The following TMEM132B variants were observed in gnomAD, a reference collection of about 807,000 sequenced individuals.
TMEM132B encodes the protein transmembrane protein 132B.
In TMEM132B, 18 loss-of-function variants were observed where a neutral mutation model predicts 90.8. That is an observed-to-expected ratio of 0.20 (90% CI 0.14 to 0.29). The LOEUF (loss-of-function observed/expected upper bound fraction) is 0.29, where lower values mean the gene tolerates loss of function less well. Ranked by LOEUF, TMEM132B falls within the 10% of genes least tolerant of loss-of-function variation. The probability of loss-of-function intolerance (pLI) is 1.00; values close to 1 mark genes in which losing one functional copy is unlikely to be tolerated. For missense variants in TMEM132B, 1,096 were observed against 1,326.8 expected (o/e 0.83, Z 2.70); for synonymous variants, 504 against 523.3 (o/e 0.96, Z 0.50).
At chr12:125,443,882 G>A (rs963013675) in intron 3 of TMEM132B, among the ~76,000 whole-genome samples, 4 of 151,886 alleles carry the variant, frequency 2.6e-5, no homozygotes, top group South Asian at 4.2e-4. Context: ...GAAAGCAGTC[G>A]TGCACCGTGA....
chr12:125,223,249 C>T (rs1444381384), intron 1 of TMEM132B, among the ~76,000 whole-genome samples: 2 of 152,108 alleles, frequency 1.3e-5, no homozygotes, highest in Non-Finnish European at 2.9e-5. Context: ...GATATTTTAG[C>T]AAAAATGCAC....
chr12:125,517,036 TC>T (rs1883177493), intron 3 of TMEM132B, among the ~76,000 whole-genome samples: 1 of 152,232 alleles, frequency 6.6e-6, no homozygotes, highest in Admixed American at 6.5e-5. Flanking sequence ...TTCATCTATT[TC>T]TTTGCCTTTC....
chr12:125,632,847 G>C (rs930782179), intron 5 of TMEM132B, among the ~76,000 whole-genome samples: 21 of 151,974 alleles, frequency 1.4e-4, no homozygotes, highest in Non-Finnish European at 2.5e-4. Context: ...ATATTGGAGA[G>C]TTTATTAAAT....
intron 3 of TMEM132B, among the ~76,000 whole-genome samples, chr12:125,450,505 G>T (rs1319898602): frequency 6.6e-6 from 1 of 152,152 alleles, no homozygotes; most frequent in African/African-American, 2.4e-5. Flanking sequence ...AATAAATCGT[G>T]ATAGGAGAGT....
intron 5 of TMEM132B, 70 bp from the exon 6 acceptor site, chr12:125,644,006 T>G (rs1328798069): frequency 7.1e-7 from 1 of 1,406,322 alleles, no homozygotes; most frequent in East Asian, 2.3e-5. Flanking sequence ...TTCATGAACT[T>G]TCACTGTTGT....
chr12:125,396,354 A>G (rs1025948866), intron 2 of TMEM132B, among the ~76,000 whole-genome samples: 4 of 152,286 alleles, frequency 2.6e-5, no homozygotes, highest in African/African-American at 4.8e-5. Flanking sequence ...AGGCTGGTTT[A>G]TGAAGGGGAC....
intron 5 of TMEM132B, among the ~76,000 whole-genome samples, chr12:125,606,755 C>T (rs1181152569): frequency 6.6e-6 from 1 of 152,212 alleles, no homozygotes; most frequent in Non-Finnish European, 1.5e-5. Context: ...AGCTCCAGTC[C>T]CGGTGACCTG....
In TMEM132B at chr12:125,319,620, G is replaced by A. The variant is rs192931701; in HGVS notation, c.68-29832G>A. Among the ~76,000 whole-genome samples the A allele has an allele frequency of 5.1e-3, 770 of 152,300 alleles. 4 individuals are homozygous for A. The highest frequency in any genetic ancestry group is 6.6e-3 in the South Asian group (32 of 4,826). ...ACTCTCTGGTTCCCCTCAGGGCTGCGCTGGGCTTCCTTCCTTCTTGTTGAC... is the reference window on the plus strand; with the variant it reads ...ACTCTCTGGTTCCCCTCAGGGCTGCACTGGGCTTCCTTCCTTCTTGTTGAC... On this transcript the variant is annotated intron_variant, in intron 1 of 8. Coordinates refer to ENST00000682704, the MANE Select transcript of TMEM132B (RefSeq NM_001366854.1).
At chr12:125,570,122 C>T (rs1040563038) in intron 4 of TMEM132B, among the ~76,000 whole-genome samples, 1 of 152,180 alleles carries the variant, frequency 6.6e-6, no homozygotes, top group Non-Finnish European at 1.5e-5. Flanking sequence ...GGGCAGTATG[C>T]GAGCCAATGG....
intron 1 of TMEM132B, among the ~76,000 whole-genome samples, chr12:125,292,761 G>A (rs1395121693): frequency 1.3e-5 from 2 of 152,146 alleles, no homozygotes; most frequent in African/African-American, 2.4e-5. Flanking sequence ...TGAAAAGGAG[G>A]CTTCTCTTTC....
chr12:125,622,454 A>G (rs1175534246), intron 5 of TMEM132B: 1 of 985,302 alleles, frequency 1.0e-6, no homozygotes, highest in Non-Finnish European at 1.2e-6. Context: ...GAACTTTCAT[A>G]GCCAGGTTTC....
At chr12:125,505,166 CAAAAAAAAAAAAAAA>C (rs71306287) in intron 3 of TMEM132B, among the ~76,000 whole-genome samples, 1 of 28,592 alleles carries the variant, frequency 3.5e-5, no homozygotes, top group Non-Finnish European at 7.1e-5. Context: ...CACCAGAGGA[CAAAAAAAAAAAAAAA>C]AAAAAAAAAA....
chr12:125,194,579 G>T (rs1007672305), intron 1 of TMEM132B, among the ~76,000 whole-genome samples: 1 of 152,100 alleles, frequency 6.6e-6, no homozygotes, highest in South Asian at 2.1e-4. Flanking sequence ...GGTCCTCTCC[G>T]TGTTGTGTAC....
At chr12:125,240,175 G>A (rs1013743893) in intron 1 of TMEM132B, among the ~76,000 whole-genome samples, 6 of 152,114 alleles carry the variant, frequency 3.9e-5, no homozygotes, top group South Asian at 2.1e-4. Flanking sequence ...CTGCTTCACC[G>A]AACTGGAGTG....
At chr12:125,611,494 AG>A (rs1885825670) in intron 5 of TMEM132B, among the ~76,000 whole-genome samples, 1 of 151,962 alleles carries the variant, frequency 6.6e-6, no homozygotes, top group South Asian at 2.1e-4. Context: ...GTAGAGCATT[AG>A]GTTATTAATT....
At chr12:125,511,101 T>G (rs1273017898) in intron 3 of TMEM132B, among the ~76,000 whole-genome samples, 1 of 152,248 alleles carries the variant, frequency 6.6e-6, no homozygotes, top group Non-Finnish European at 1.5e-5. Flanking sequence ...ACGATTCTAC[T>G]TTTTGTCTTT....
chr12:125,230,877 T>C (rs10773150), intron 1 of TMEM132B, among the ~76,000 whole-genome samples: 46,729 of 151,896 alleles, frequency 0.31, 7,805 homozygotes, highest in East Asian at 0.44. Flanking sequence ...TAAAGGTGAA[T>C]CTCTCTTGGT....
intron 5 of TMEM132B, among the ~76,000 whole-genome samples, chr12:125,619,472 CT>C (rs1264668071): frequency 2.6e-5 from 4 of 152,222 alleles, no homozygotes; most frequent in African/African-American, 9.6e-5. Flanking sequence ...TCAAGCAATT[CT>C]TTTGCCTCAG....
At chr12:125,230,635 C>T (rs1405437683) in intron 1 of TMEM132B, among the ~76,000 whole-genome samples, 1 of 151,402 alleles carries the variant, frequency 6.6e-6, no homozygotes, top group Non-Finnish European at 1.5e-5. Context: ...CGCCTGCCAC[C>T]ACGCCCGTCT....
Sources: gnomAD v4.1 joint callset for allele counts (sites outside exome capture counted in the v4.1 genomes callset) on GRCh38, gnomAD v4.1.1 for gene constraint, MANE v1.5 for transcripts, NCBI Gene and HGNC (gene_info 2026-07-23, HGNC 2026-07-21) for gene names.